Variants in ZFAND5 observed in about 807,000 individuals in gnomAD.
ZFAND5 encodes zinc finger AN1-type containing 5.
Under a neutral mutation model 23.6 loss-of-function variants are expected in ZFAND5, and 4 were observed. The observed-to-expected ratio is 0.17, with a 90% CI of 0.08 to 0.39. The LOEUF (loss-of-function observed/expected upper bound fraction) is 0.39, where lower values mean the gene tolerates loss of function less well. ZFAND5 is among the 10% of genes least tolerant of loss of function. ZFAND5 has a pLI of 1.00. For missense variants in ZFAND5, 161 were observed against 253.7 expected (o/e 0.63, Z 2.48); for synonymous variants, 68 against 80.6 (o/e 0.84, Z 0.84).
intron 5 of ZFAND5, among the ~76,000 whole-genome samples, chr9:72,358,989 G>A (rs1391551767): frequency 8.0e-6 from 1 of 124,300 alleles, no homozygotes; most frequent in Non-Finnish European, 1.8e-5. Context: ...CACAAAATAT[G>A]ATAGGAATAT....
intron 2 of ZFAND5, among the ~76,000 whole-genome samples, chr9:72,362,628 CAT>C (rs1842137584): frequency 6.6e-6 from 1 of 152,314 alleles, no homozygotes; most frequent in East Asian, 1.9e-4. Flanking sequence ...CTTCAGAGAA[CAT>C]GTCTACCTTC....
intron 5 of ZFAND5, among the ~76,000 whole-genome samples, chr9:72,358,637 G>T (rs570977448): frequency 6.6e-6 from 1 of 152,194 alleles, no homozygotes; most frequent in African/African-American, 2.4e-5. Context: ...TTGAGAATTT[G>T]GCCTTAACTT....
At chr9:72,359,379 C>A in intron 5 of ZFAND5, 39 bp downstream of exon 5, 2 of 1,598,110 alleles carry the variant, frequency 1.3e-6, no homozygotes, top group South Asian at 2.2e-5. Flanking sequence ...CTTGCACTAT[C>A]AAATTCAGAA....
chr9:72,356,264 TAC>T (rs1161795652), intron 6 of ZFAND5, among the ~76,000 whole-genome samples, 163 bp from the exon 7 acceptor site: 2 of 152,228 alleles, frequency 1.3e-5, no homozygotes, highest in African/African-American at 4.8e-5. Flanking sequence ...AGTCAACTCT[TAC>T]AGAGTCTATC....
intron 5 of ZFAND5, among the ~76,000 whole-genome samples, chr9:72,357,367 C>A (rs1329620395): frequency 1.3e-5 from 2 of 152,118 alleles, no homozygotes; most frequent in Admixed American, 1.3e-4. Flanking sequence ...TTTTAAAGAG[C>A]TGGGAGATGT....
chr9:72,359,651 G>A, intron 4 of ZFAND5, 130 bp from the exon 5 acceptor site: 6 of 877,550 alleles, frequency 6.8e-6, no homozygotes, highest in South Asian at 2.1e-5. Context: ...ATAATCTAAA[G>A]TTTAAAAAAA....
rs1454304403 is a variant in ZFAND5 at position 72,354,046 on chromosome 9, C to T, written c.*1907G>A. 3.3e-5 allele frequency: 5 copies of T among 152,168 alleles called. No individual in the cohort carries two copies. The highest frequency in any genetic ancestry group is 7.3e-5 in the Non-Finnish European group (5 of 68,030). The allele number at this position is 152,168 out of a possible 1,614,324, so 9.4% of individuals were successfully genotyped here. ...CTTGTTCTTTATGATCTGGCATAAA[C>T]GCTACAGAGACCAAGTCCATGGGTG... is the stretch of plus-strand genomic sequence containing the variant. On this transcript the variant is annotated 3_prime_UTR_variant, in exon 7 of 7. Transcript: ENST00000376962.
chr9:72,361,402 G>T (rs1289371522), intron 2 of ZFAND5, among the ~76,000 whole-genome samples: 1 of 152,100 alleles, frequency 6.6e-6, no homozygotes. Context: ...AAGAATTTAG[G>T]GTCAGCTGGT....
intron 3 of ZFAND5, 164 bp downstream of exon 3, chr9:72,360,464 T>C (rs1842066987): frequency 2.0e-6 from 2 of 977,344 alleles, no homozygotes; most frequent in Non-Finnish European, 1.5e-6. Flanking sequence ...TAGATAGTCA[T>C]TCATTCCTGA....
rs1279978767 is a variant in ZFAND5 at position 72,353,334 on chromosome 9, G to C, written c.*2619C>G. 1 of 151,706 alleles carries C rather than the reference G, an allele frequency of 6.6e-6. No homozygotes were observed. The highest frequency in any genetic ancestry group is 1.5e-5 in the Non-Finnish European group (1 of 68,004). The allele number at this position is 151,706 out of a possible 1,614,324, so 9.4% of individuals were successfully genotyped here. A position where few individuals can be genotyped will look rare whatever the true frequency, so the allele number is the denominator to read the frequency against. On this transcript the variant is annotated 3_prime_UTR_variant, in exon 7 of 7. Transcript: ENST00000376962. ...GACAACCCTGACAAATCTTTGTTCTGATCTGGTTTAATGTTTCTTGTAAAA... is the reference window on the plus strand; with the variant it reads ...GACAACCCTGACAAATCTTTGTTCTCATCTGGTTTAATGTTTCTTGTAAAA...
intron 2 of ZFAND5, 32 bp from the exon 3 acceptor site, chr9:72,360,819 G>T: frequency 1.3e-6 from 2 of 1,563,132 alleles, no homozygotes; most frequent in East Asian, 4.5e-5. Flanking sequence ...AGAAATTAGT[G>T]TTATCACCAA....
intron 1 of ZFAND5, chr9:72,363,947 G>GA (rs948000631): frequency 4.6e-5 from 7 of 152,474 alleles, no homozygotes; most frequent in African/African-American, 1.7e-4. Flanking sequence ...GGAGTGCGTG[G>GA]AAAGCGAGCA....
rs1564318111 is a variant in ZFAND5 at position 72,364,722 on chromosome 9, G to A, written c.-173C>T. 2 of 804,264 alleles carry A rather than the reference G, an allele frequency of 2.5e-6. No homozygotes were observed. Among genetic ancestry groups the A allele is most frequent in the South Asian group, 5.1e-5 (2 of 39,400 alleles). 49.8% of individuals were successfully genotyped at this position (804,264 alleles called of 1,614,324 possible). On this transcript the variant is annotated 5_prime_UTR_variant, in exon 1 of 7. Transcript: ENST00000376962. ...CTGCAGGGTCCCAAATGCGAAAGCC[G>A]GGTTCGCGCGCGAAGCCGGCACGAT...
intron 1 of ZFAND5, 178 bp from the exon 2 acceptor site, chr9:72,363,784 T>C (rs988505802): frequency 2.7e-5 from 11 of 400,384 alleles, no homozygotes; most frequent in African/African-American, 1.1e-4. Context: ...CATTCGTTTA[T>C]GTTTTTAGAA....
chr9:72,360,463 ATT>A (rs1302086002), intron 3 of ZFAND5, 163 bp downstream of exon 3: 4 of 975,428 alleles, frequency 4.1e-6, no homozygotes, highest in Non-Finnish European at 6.1e-6. Context: ...GTAGATAGTC[ATT>A]CATTCCTGAT....
intron 1 of ZFAND5, chr9:72,364,287 C>A: frequency 1.5e-6 from 1 of 682,154 alleles, no homozygotes; most frequent in South Asian, 2.2e-5. Context: ...CCCCCGACCC[C>A]GAACGGCTCC....
At chr9:72,359,666 G>C in intron 4 of ZFAND5, 145 bp from the exon 5 acceptor site, 1 of 761,938 alleles carries the variant, frequency 1.3e-6, no homozygotes, top group African/African-American at 1.8e-5. Flanking sequence ...AAAAAAAATT[G>C]GATGCCCAGC....
At position 72,352,929 on chromosome 9, in the gene ZFAND5, TCTTAATCACTATG is replaced by T. The variant is rs2131965531; in HGVS notation, c.*3011_*3023del. Reference sequence around the variant, plus strand: ...CACGGGCTGGTTCCAGGGTCCCTCATCTTAATCACTATGCCATAATGCTCAGAAACAGCTTTCC... The same window carrying T: ...CACGGGCTGGTTCCAGGGTCCCTCATCCATAATGCTCAGAAACAGCTTTCC... On this transcript the variant is annotated 3_prime_UTR_variant, in exon 7 of 7. Coordinates refer to ENST00000376962, the MANE Select transcript of ZFAND5 (RefSeq NM_001102420.3). 1.3e-5 allele frequency: 2 copies of T among 152,338 alleles called. No individual in the cohort carries two copies. Among genetic ancestry groups the T allele is most frequent in the South Asian group, 4.1e-4 (2 of 4,834 alleles). The allele number at this position is 152,338 out of a possible 1,614,324, so 9.4% of individuals were successfully genotyped here.
chr9:72,359,552 G>T, intron 4 of ZFAND5, 31 bp from the exon 5 acceptor site: 2 of 1,587,640 alleles, frequency 1.3e-6, no homozygotes, highest in Non-Finnish European at 1.7e-6. Flanking sequence ...AATTTTTAAA[G>T]GTGTTAAGGG....
Sources: allele counts gnomAD v4.1 joint callset (sites outside exome capture counted in the v4.1 genomes callset), GRCh38; gene constraint gnomAD v4.1.1; transcripts MANE v1.5; gene names NCBI Gene and HGNC (gene_info 2026-07-23, HGNC 2026-07-21).